VANGL1: variants seen among roughly 807,000 people sequenced by gnomAD.
VANGL1 encodes the protein vang-like protein 1.
A neutral mutation model predicts 48.4 loss-of-function variants in VANGL1; 18 were observed. The observed-to-expected ratio is 0.37, with a 90% CI of 0.26 to 0.55. VANGL1 has a LOEUF of 0.55. Ranked by LOEUF, VANGL1 falls within the 20% of genes least tolerant of loss-of-function variation. VANGL1 has a pLI of 0.81. For missense variants in VANGL1, 667 were observed against 675.8 expected, an observed-to-expected ratio of 0.99 and a Z score of 0.14; for synonymous variants, 257 against 261.8, an observed-to-expected ratio of 0.98 and a Z score of 0.18.
chr1:115,692,161 G>A lies in VANGL1; in HGVS notation c.*782G>A, dbSNP rs1653865025. The stretch of plus-strand genomic sequence containing the variant: ...CGGCTCTGTGTGAAGCCTCAAGTCA[G>A]TCCCAGCATTGTTTCCATAGGGAAG... On this transcript the variant is annotated 3_prime_UTR_variant, in exon 8 of 8. Coordinates refer to ENST00000355485, the MANE Select transcript of VANGL1 (RefSeq NM_138959.3). 6.5e-6 allele frequency: 1 copy of A among 152,716 alleles called. No homozygotes were observed. Among genetic ancestry groups the A allele is most frequent in the Non-Finnish European group, 1.5e-5 (1 of 68,306 alleles). 9.5% of individuals were successfully genotyped at this position (152,716 alleles called of 1,614,324 possible). A position where few individuals can be genotyped will look rare whatever the true frequency, so the allele number is the denominator to read the frequency against.
intron 1 of VANGL1, among the ~76,000 whole-genome samples, chr1:115,646,920 T>C (rs1248243581): frequency 6.6e-6 from 1 of 152,216 alleles, no homozygotes; most frequent in Admixed American, 6.5e-5. Flanking sequence ...AGTAGGAATT[T>C]GGCAAAACAG....
chr1:115,663,920 C>T lies in VANGL1; in HGVS notation c.464C>T (p.Ser155Phe), dbSNP rs750270345. 5.0e-6 allele frequency: 8 copies of T among 1,614,118 alleles called. No individual in the cohort carries two copies. The highest frequency in any genetic ancestry group is 5.9e-6 in the Non-Finnish European group (7 of 1,180,058). The change falls in exon 4 of 8, where the codon TCC becomes TTC. Residue 155 changes from serine (S) to phenylalanine (F), a missense_variant. Coordinates refer to ENST00000355485, the MANE Select transcript of VANGL1 (RefSeq NM_138959.3). Reference sequence around the variant, plus strand: ...ACAATTTGTGAGGGGCTCTTTATCTCCATGGCATTCAAACTCCTCATTCTG... The same window carrying T: ...ACAATTTGTGAGGGGCTCTTTATCTTCATGGCATTCAAACTCCTCATTCTG... ...CGTICEGLFI[S>F]MAFKLLILLI... is the part of the protein sequence containing the mutation.
chr1:115,664,253 G>A lies in VANGL1; in HGVS notation c.797G>A (p.Ser266Asn). 5.0e-6 allele frequency: 8 copies of A among 1,613,964 alleles called. No homozygotes were observed. The highest frequency in any genetic ancestry group is 6.8e-6 in the Non-Finnish European group (8 of 1,180,004). ...RSTDGESRFY[S>N]LGHLSIQRAA... ...ACCGATGGCGAGTCCCGCTTCTACAGCCTGGGACACCTGAGGTAAGAGGCA... is the reference window on the plus strand; with the variant it reads ...ACCGATGGCGAGTCCCGCTTCTACAACCTGGGACACCTGAGGTAAGAGGCA... The change falls in exon 4 of 8, where the codon AGC becomes AAC. Residue 266 changes from serine (S) to asparagine (N), a missense_variant. Ser to Asn is a conservative substitution (Grantham distance 46). Transcript: ENST00000355485.
chr1:115,651,499 C>G lies in VANGL1; in HGVS notation c.71+15C>G, dbSNP rs1325619215. On this transcript the variant is annotated intron_variant, in intron 2 of 7. Coordinates refer to ENST00000355485, the MANE Select transcript of VANGL1 (RefSeq NM_138959.3). ...CACAGACAAGGGTATGTAAGTTGTT[C>G]ATTATTACACTTTTCCTTTTGGGGA... 4 of 1,610,748 alleles carry G rather than the reference C, an allele frequency of 2.5e-6. No homozygotes were observed. The highest frequency in any genetic ancestry group is 3.4e-6 in the Non-Finnish European group (4 of 1,177,116).
In VANGL1 at chr1:115,663,980, G is replaced by T. The variant is rs201441696; in HGVS notation, c.524G>T (p.Arg175Leu). The T allele has an allele frequency of 1.9e-6, 3 of 1,614,050 alleles. No individual in the cohort carries two copies. The African/African-American group carries it at 4.0e-5, about 22-fold the overall frequency. ...IGTWALFFRK[R>L]RADMPRVFVF... Reference sequence around the variant, plus strand: ...ACCTGGGCACTTTTTTTCCGCAAGCGGAGAGCTGACATGCCACGGGTGTTT... The same window carrying T: ...ACCTGGGCACTTTTTTTCCGCAAGCTGAGAGCTGACATGCCACGGGTGTTT... The change falls in exon 4 of 8, where the codon CGG becomes CTG. Residue 175 changes from arginine (R) to leucine (L), a missense_variant. Physicochemically the swap from Arg to Leu is moderately radical, Grantham distance 102. Coordinates refer to ENST00000355485, the MANE Select transcript of VANGL1 (RefSeq NM_138959.3).
At chr1:115,646,618 A>C (rs537799941) in intron 1 of VANGL1, among the ~76,000 whole-genome samples, 3 of 151,322 alleles carry the variant, frequency 2.0e-5, no homozygotes, top group Non-Finnish European at 4.4e-5. Context: ...TCCACAATGA[A>C]TCTATGGCCT....
chr1:115,666,780 A>G (rs1046129717), intron 4 of VANGL1, among the ~76,000 whole-genome samples: 4 of 152,174 alleles, frequency 2.6e-5, no homozygotes, highest in African/African-American at 7.2e-5. Context: ...GGAGGTGGAA[A>G]GAATGGCTGG....
chr1:115,691,452 G>A lies in VANGL1; in HGVS notation c.*73G>A. The A allele has an allele frequency of 6.7e-7, 1 of 1,488,666 alleles. No homozygotes were observed. Among genetic ancestry groups the A allele is most frequent in the Non-Finnish European group, 9.0e-7 (1 of 1,111,078 alleles). 92.2% of individuals were successfully genotyped at this position (1,488,666 alleles called of 1,614,324 possible). On this transcript the variant is annotated 3_prime_UTR_variant, in exon 8 of 8. Transcript: ENST00000355485. ...AGAGATATATATCTATGCCAGAGGG[G>A]TGTCTTTTTTAAAAATTCTTCTTCA...
intron 4 of VANGL1, among the ~76,000 whole-genome samples, chr1:115,681,367 T>C (rs1196631733): frequency 1.2e-5 from 1 of 85,550 alleles, no homozygotes; most frequent in African/African-American, 3.7e-5. Flanking sequence ...AAGCAGGGGA[T>C]AGTTGGAGAC....
chr1:115,662,836 G>A (rs530770628), intron 3 of VANGL1, among the ~76,000 whole-genome samples: 24 of 151,514 alleles, frequency 1.6e-4, no homozygotes, highest in African/African-American at 5.1e-4. Flanking sequence ...GCCCAGGCTG[G>A]AGTACAGTGG....
In VANGL1 at chr1:115,697,427, A is replaced by G. The variant is rs565735526; in HGVS notation, c.*6048A>G. 4 of 152,342 alleles carry G rather than the reference A, an allele frequency of 2.6e-5. No homozygotes were observed. The highest frequency in any genetic ancestry group is 7.2e-5 in the African/African-American group (3 of 41,598). 9.4% of individuals were successfully genotyped at this position (152,342 alleles called of 1,614,324 possible). A position where few individuals can be genotyped will look rare whatever the true frequency, so the allele number is the denominator to read the frequency against. On this transcript the variant is annotated 3_prime_UTR_variant, in exon 8 of 8. Coordinates refer to ENST00000355485, the MANE Select transcript of VANGL1 (RefSeq NM_138959.3). Reference sequence around the variant, plus strand: ...TACGGTAGGCTTTAATTAAATGGCAAACTCCTCTGGGACCCCTAAGTTATG... The same window carrying G: ...TACGGTAGGCTTTAATTAAATGGCAGACTCCTCTGGGACCCCTAAGTTATG...
At chr1:115,674,346 A>T (rs1044134577) in intron 4 of VANGL1, among the ~76,000 whole-genome samples, 1 of 152,210 alleles carries the variant, frequency 6.6e-6, no homozygotes, top group Non-Finnish European at 1.5e-5. Context: ...TAATTGGAGC[A>T]TAAGCCCCTT....
chr1:115,690,284 G>A (rs1443854999), intron 7 of VANGL1, among the ~76,000 whole-genome samples: 1 of 152,228 alleles, frequency 6.6e-6, no homozygotes, highest in Non-Finnish European at 1.5e-5. Flanking sequence ...ATGTTAATCT[G>A]CCTGAGAGGT....
chr1:115,691,608 T>C lies in VANGL1; in HGVS notation c.*229T>C, dbSNP rs1460622785. ...ATCTGACTTTTGTCGATGGGACTTC[T>C]CAAGAAGCCATTCCTTGGAGCTTCT... On this transcript the variant is annotated 3_prime_UTR_variant, in exon 8 of 8. Transcript: ENST00000355485. The C allele has an allele frequency of 8.2e-6, 4 of 489,682 alleles. No individual in the cohort carries two copies. The highest frequency in any genetic ancestry group is 1.4e-5 in the Non-Finnish European group (4 of 285,916). 30.3% of individuals were successfully genotyped at this position (489,682 alleles called of 1,614,324 possible).
At chr1:115,673,936 C>T (rs2101017592) in intron 4 of VANGL1, among the ~76,000 whole-genome samples, 1 of 152,192 alleles carries the variant, frequency 6.6e-6, no homozygotes, top group Middle Eastern at 3.4e-3. Context: ...AATGACTCTA[C>T]CTTAACTAAA....
intron 4 of VANGL1, among the ~76,000 whole-genome samples, chr1:115,680,119 C>T (rs908737333): frequency 1.3e-5 from 2 of 151,856 alleles, no homozygotes; most frequent in Admixed American, 1.3e-4. Context: ...CTGGAGAATG[C>T]CATGGACAGG....
At chr1:115,652,001 C>A (rs1056777306) in intron 2 of VANGL1, among the ~76,000 whole-genome samples, 1 of 152,164 alleles carries the variant, frequency 6.6e-6, no homozygotes, top group African/African-American at 2.4e-5. Context: ...ATCCGCCCGC[C>A]TCGGTTTCTA....
chr1:115,658,090 C>G (rs1652413319), intron 2 of VANGL1, among the ~76,000 whole-genome samples: 2 of 152,294 alleles, frequency 1.3e-5, no homozygotes, highest in South Asian at 4.2e-4. Context: ...GGACAACTAT[C>G]TGAACTGTAT....
intron 4 of VANGL1, among the ~76,000 whole-genome samples, chr1:115,680,023 AT>A (rs57496349): frequency 0.25 from 30,688 of 123,950 alleles, 3,949 homozygotes; most frequent in East Asian, 0.41. Context: ...GTGTGTGTGT[AT>A]GTGAGAGAGA....
Sources: allele counts gnomAD v4.1 joint callset (sites outside exome capture counted in the v4.1 genomes callset), GRCh38; gene constraint gnomAD v4.1.1; transcripts MANE v1.5; gene names NCBI Gene and HGNC (gene_info 2026-07-23, HGNC 2026-07-21).